The following CNTNAP2 variants were observed in gnomAD, a reference collection of about 807,000 sequenced individuals.
The protein encoded by CNTNAP2 is contactin associated protein 2.
Under a neutral mutation model 155.2 loss-of-function variants are expected in CNTNAP2, and 98 were observed. That is an observed-to-expected ratio of 0.63 (90% CI 0.54 to 0.75). The LOEUF is 0.75. CNTNAP2 is among the 30% of genes least tolerant of loss of function. The pLI is 0.00. For missense variants in CNTNAP2, 1,727 were observed against 1,688.1 expected (o/e 1.02, Z -0.40); for synonymous variants, 651 against 631.2 (o/e 1.03, Z -0.47).
Position 148,216,010 on chromosome 7 carries a change from G to A in CNTNAP2, c.3011-1278G>A, listed in dbSNP as rs540138006. Among the ~76,000 whole-genome samples the A allele has an allele frequency of 9.8e-5, 15 of 152,322 alleles. No homozygotes were observed. The South Asian group carries it at 2.5e-3, about 25-fold the overall frequency. ...GGATGTCAAGTGTTGTGAGATTAAC[G>A]GTTGCATGGGCGATGGAGTGTGGGA... On this transcript the variant is annotated intron_variant, in intron 18 of 23. Transcript: ENST00000361727.
intron 13 of CNTNAP2, among the ~76,000 whole-genome samples, chr7:147,725,434 T>C (rs2116456191): frequency 6.6e-6 from 1 of 152,176 alleles, no homozygotes; most frequent in East Asian, 1.9e-4. Flanking sequence ...CTTCAGAAAT[T>C]GTTTATGATC....
At chr7:147,863,417 T>C (rs190578991) in intron 13 of CNTNAP2, among the ~76,000 whole-genome samples, 1 of 152,332 alleles carries the variant, frequency 6.6e-6, no homozygotes, top group African/African-American at 2.4e-5. Context: ...TACAGGAGCA[T>C]GATTTATAAT....
intron 2 of CNTNAP2, among the ~76,000 whole-genome samples, chr7:146,838,810 C>T (rs995575380): frequency 3.3e-5 from 5 of 152,058 alleles, no homozygotes; most frequent in East Asian, 1.9e-4. Flanking sequence ...ATAGTACACA[C>T]GTTTTGATAT....
chr7:147,491,629 C>T lies in CNTNAP2; in HGVS notation c.1777+5588C>T, dbSNP rs115028267. 9.0e-3 allele frequency among the ~76,000 whole-genome samples: 1,373 copies of T among 152,272 alleles called. 19 individuals carry two copies. The highest frequency in any genetic ancestry group is 0.03 in the African/African-American group (1,252 of 41,560). On this transcript the variant is annotated intron_variant, in intron 11 of 23. Transcript: ENST00000361727. ...AGGCTCGCCCAGCACAGACTATGCA[C>T]GCAGTGAATATGCACTGCCTCCAAG...
At chr7:146,562,782 G>GT (rs897426872) in intron 1 of CNTNAP2, among the ~76,000 whole-genome samples, 10 of 151,784 alleles carry the variant, frequency 6.6e-5, no homozygotes, top group African/African-American at 1.2e-4. Flanking sequence ...AAATTTCTAG[G>GT]TTTTTTTATT....
At chr7:147,090,601 C>T (rs1006477627) in intron 4 of CNTNAP2, among the ~76,000 whole-genome samples, 3 of 151,938 alleles carry the variant, frequency 2.0e-5, no homozygotes, top group Admixed American at 1.3e-4. Flanking sequence ...ATGTGTATCT[C>T]TTTTAGCATT....
rs1378935836 is a variant in CNTNAP2, at chr7:146,545,542, C to G, written c.98-228729C>G. Among the ~76,000 whole-genome samples the G allele has an allele frequency of 2.6e-5, 4 of 151,750 alleles. No homozygotes were observed. In the South Asian group the frequency reaches 8.3e-4, roughly 32 times the overall value. On this transcript the variant is annotated intron_variant, in intron 1 of 23. Coordinates refer to ENST00000361727, the MANE Select transcript of CNTNAP2 (RefSeq NM_014141.6). Reference sequence around the variant, plus strand: ...CTGTGTGATGTTCCCCTCCGTCTGTCCATGTGTTCTTATTGTCCAACTCCC... The same window carrying G: ...CTGTGTGATGTTCCCCTCCGTCTGTGCATGTGTTCTTATTGTCCAACTCCC...
intron 1 of CNTNAP2, among the ~76,000 whole-genome samples, chr7:146,224,213 C>G (rs530761790): frequency 9.2e-5 from 14 of 152,156 alleles, no homozygotes; most frequent in Non-Finnish European, 4.4e-5. Context: ...TCCTCCATCT[C>G]TATCTGTAGC....
At chr7:148,324,479 C>A (rs1468502962) in intron 21 of CNTNAP2, among the ~76,000 whole-genome samples, 2 of 152,158 alleles carry the variant, frequency 1.3e-5, no homozygotes, top group Non-Finnish European at 2.9e-5. Flanking sequence ...CCCTTCTCCT[C>A]CCACCAGAAT....
At chr7:148,170,458 G>A (rs188212660) in intron 17 of CNTNAP2, among the ~76,000 whole-genome samples, 291 of 152,324 alleles carry the variant, frequency 1.9e-3, no homozygotes, top group Non-Finnish European at 3.4e-3. Flanking sequence ...TCTCTTCAGC[G>A]TAGAGGTGTG....
chr7:147,157,570 C>T (rs893426127), intron 8 of CNTNAP2, among the ~76,000 whole-genome samples: 1 of 152,040 alleles, frequency 6.6e-6, no homozygotes, highest in African/African-American at 2.4e-5. Context: ...GAACTCTGCT[C>T]GTTTCCTTTA....
intron 18 of CNTNAP2, among the ~76,000 whole-genome samples, chr7:148,191,259 T>G (rs1246277922): frequency 2.0e-5 from 3 of 151,930 alleles, no homozygotes; most frequent in African/African-American, 4.8e-5. Context: ...ACTCTTGCTC[T>G]CTCTCTCTCT....
At chr7:147,703,031 T>C (rs138760018) in intron 13 of CNTNAP2, among the ~76,000 whole-genome samples, 2,498 of 152,184 alleles carry the variant, frequency 0.016, 217 homozygotes, top group Admixed American at 0.15. Context: ...TGGTAAGAAG[T>C]GTCACTTTCC....
intron 12 of CNTNAP2, among the ~76,000 whole-genome samples, chr7:147,595,095 A>G (rs1372611374): frequency 6.6e-6 from 1 of 152,166 alleles, no homozygotes; most frequent in Non-Finnish European, 1.5e-5. Flanking sequence ...CAGAGGCAGA[A>G]TGCAGAGATA....
chr7:146,527,165 A>C (rs1797703235), intron 1 of CNTNAP2, among the ~76,000 whole-genome samples: 1 of 152,124 alleles, frequency 6.6e-6, no homozygotes, highest in South Asian at 2.1e-4. Context: ...TCCAATTTCT[A>C]ACACAGTCCC....
chr7:147,275,890 G>A (rs923564136), intron 8 of CNTNAP2, among the ~76,000 whole-genome samples: 1 of 151,766 alleles, frequency 6.6e-6, no homozygotes, highest in African/African-American at 2.4e-5. Flanking sequence ...GTTGGATTTT[G>A]AGTGCTTTTT....
intron 1 of CNTNAP2, among the ~76,000 whole-genome samples, chr7:146,254,135 AC>A (rs1799800563): frequency 8.2e-6 from 1 of 122,206 alleles, no homozygotes; most frequent in African/African-American, 4.3e-5. Context: ...ACTTGCACAC[AC>A]ACACACACAC....
intron 3 of CNTNAP2, among the ~76,000 whole-genome samples, chr7:146,878,412 ACT>A (rs1437738819): frequency 4.7e-5 from 7 of 149,052 alleles, no homozygotes; most frequent in African/African-American, 1.7e-4. Context: ...GCTGAGTAAG[ACT>A]CTACATTTTC....
At chr7:147,150,888 C>A (rs1801812045) in intron 8 of CNTNAP2, among the ~76,000 whole-genome samples, 1 of 152,040 alleles carries the variant, frequency 6.6e-6, no homozygotes, top group Non-Finnish European at 1.5e-5. Context: ...GACAAAACCC[C>A]AAAAGAAACC....
Sources: allele counts gnomAD v4.1 joint callset (sites outside exome capture counted in the v4.1 genomes callset), GRCh38; gene constraint gnomAD v4.1.1; transcripts MANE v1.5; gene names NCBI Gene and HGNC (gene_info 2026-07-23, HGNC 2026-07-21).